The following PLPP4 variants were observed in gnomAD, a reference collection of about 807,000 sequenced individuals.
The protein encoded by PLPP4 is phospholipid phosphatase 4, also known as diacylglycerol pyrophosphate like 2.
PLPP4 carries 20 observed loss-of-function variants against 32.2 expected under a neutral mutation model. The observed-to-expected ratio is 0.62, with a 90% confidence interval of 0.44 to 0.90. The LOEUF (loss-of-function observed/expected upper bound fraction) is 0.90, where lower values mean the gene tolerates loss of function less well. Ranked by LOEUF, PLPP4 falls within the 40% of genes least tolerant of loss-of-function variation. The pLI, the probability that PLPP4 is intolerant of heterozygous loss-of-function variation, is 0.00. For synonymous variants in PLPP4, 127 were observed against 133.0 expected (o/e 0.95, Z 0.31); for missense variants, 257 against 353.1 (o/e 0.73, Z 2.18).
rs1249706895 is a variant in PLPP4 at position 120,459,856 on chromosome 10, T to C, written c.56+2495T>C. 8.5e-5 allele frequency among the ~76,000 whole-genome samples: 13 copies of C among 152,236 alleles called. 1 individual carries two copies. The highest frequency in any genetic ancestry group is 1.5e-4 in the Non-Finnish European group (10 of 68,044). The stretch of plus-strand genomic sequence containing the variant: ...GGGATCCTGTTACCCGTAGCCCATA[T>C]GCTCCTCAAAGATTCCAAGTGAGAG... On this transcript the variant is annotated intron_variant, in intron 1 of 6. Transcript: ENST00000398250.
chr10:120,471,291 G>A (rs1848507700), intron 1 of PLPP4, among the ~76,000 whole-genome samples: 1 of 151,980 alleles, frequency 6.6e-6, no homozygotes, highest in Non-Finnish European at 1.5e-5. Context: ...AACTTATTAT[G>A]TGTTTTCTTT....
Position 120,563,785 on chromosome 10 carries a change from C to T in PLPP4, c.446-11346C>T, listed in dbSNP as rs895847376. On this transcript the variant is annotated intron_variant, in intron 5 of 6. Transcript: ENST00000398250. ...ACTGCAGTCCGCAGTCCGGCCTGGG[C>T]GACAGAGCGAGACTCCGTCTCAAAA... Among the ~76,000 whole-genome samples, 3 of 79,454 alleles carry T rather than the reference C, an allele frequency of 3.8e-5. 1 individual carries two copies. Among genetic ancestry groups the T allele is most frequent in the Non-Finnish European group, 4.9e-5 (2 of 40,626 alleles). The allele number at this position is 79,454 out of a possible 152,430, so 52.1% of individuals were successfully genotyped here. A position where few individuals can be genotyped will look rare whatever the true frequency, so the allele number is the denominator to read the frequency against.
intron 5 of PLPP4, among the ~76,000 whole-genome samples, chr10:120,555,776 C>T (rs1207636972): frequency 6.6e-6 from 1 of 152,208 alleles, no homozygotes; most frequent in Non-Finnish European, 1.5e-5. Flanking sequence ...TTCATTCACC[C>T]AACAGATATT....
chr10:120,552,195 T>C (rs1332489923), intron 5 of PLPP4, among the ~76,000 whole-genome samples: 1 of 151,212 alleles, frequency 6.6e-6, no homozygotes, highest in African/African-American at 2.4e-5. Context: ...TGTGTGTGTG[T>C]GTGTGTGTGT....
chr10:120,536,475 G>C (rs1354299125), intron 5 of PLPP4, among the ~76,000 whole-genome samples: 1 of 151,868 alleles, frequency 6.6e-6, no homozygotes, highest in Non-Finnish European at 1.5e-5. Context: ...TGGGAAAATT[G>C]GATATCCACG....
chr10:120,481,586 G>A (rs551079786), intron 1 of PLPP4, among the ~76,000 whole-genome samples: 2 of 152,284 alleles, frequency 1.3e-5, no homozygotes, highest in East Asian at 3.9e-4. Context: ...GGCATCAGGT[G>A]CTTTATACAA....
intron 1 of PLPP4, among the ~76,000 whole-genome samples, chr10:120,478,620 C>T (rs1844042181): frequency 6.6e-6 from 1 of 152,178 alleles, no homozygotes; most frequent in African/African-American, 2.4e-5. Context: ...AAGCCTGCTC[C>T]CATGATAATG....
chr10:120,514,660 A>G (rs1227551570), intron 3 of PLPP4, among the ~76,000 whole-genome samples: 1 of 152,198 alleles, frequency 6.6e-6, no homozygotes, highest in Non-Finnish European at 1.5e-5. Context: ...TCTGGTCTTC[A>G]TGATAATCAA....
chr10:120,588,503 G>C (rs771972625), intron 6 of PLPP4, among the ~76,000 whole-genome samples: 23 of 152,316 alleles, frequency 1.5e-4, no homozygotes, highest in Admixed American at 4.6e-4. Context: ...TGACTCAGAA[G>C]GTTCATTTCA....
At chr10:120,565,839 C>A (rs536097275) in intron 5 of PLPP4, among the ~76,000 whole-genome samples, 1 of 152,202 alleles carries the variant, frequency 6.6e-6, no homozygotes, top group East Asian at 1.9e-4. Flanking sequence ...ACCACATCAT[C>A]CATGTCACTT....
intron 5 of PLPP4, among the ~76,000 whole-genome samples, chr10:120,549,223 A>G (rs913818847): frequency 6.6e-5 from 10 of 151,664 alleles, no homozygotes; most frequent in African/African-American, 2.4e-4. Flanking sequence ...ATTTCCAAAA[A>G]TCCTAAATAC....
At chr10:120,500,156 A>G (rs1755510089) in intron 1 of PLPP4, among the ~76,000 whole-genome samples, 1 of 152,212 alleles carries the variant, frequency 6.6e-6, no homozygotes, top group African/African-American at 2.4e-5. Flanking sequence ...TACTCAGGGT[A>G]GAGTGAGGGA....
At chr10:120,582,501 G>A (rs549903894) in intron 6 of PLPP4, among the ~76,000 whole-genome samples, 141 of 152,178 alleles carry the variant, frequency 9.3e-4, no homozygotes, top group Non-Finnish European at 1.6e-3. Context: ...GATTACTCCT[G>A]TAAAACCCTA....
chr10:120,457,204 G>A, upstream of PLPP4: 1 of 873,642 alleles, frequency 1.1e-6, no homozygotes, highest in Non-Finnish European at 1.5e-6. Flanking sequence ...GGCCTGGAGC[G>A]CGCCTCCCTC....
rs1470624780 is a variant in PLPP4 at position 120,564,740 on chromosome 10, C to T, written c.446-10391C>T. On this transcript the variant is annotated intron_variant, in intron 5 of 6. Coordinates refer to ENST00000398250, the MANE Select transcript of PLPP4 (RefSeq NM_001030059.3). Reference sequence around the variant, plus strand: ...ATCATCTTTATCTCTAATATTGCTTCTTACCATAAAGACAATCAAACATTA... The same window carrying T: ...ATCATCTTTATCTCTAATATTGCTTTTTACCATAAAGACAATCAAACATTA... Among the ~76,000 whole-genome samples, 9 of 151,946 alleles carry T rather than the reference C, an allele frequency of 5.9e-5. No individual in the cohort carries two copies. The East Asian group carries it at 1.4e-3, about 23-fold the overall frequency.
At chr10:120,570,675 A>G (rs1848893094) in intron 5 of PLPP4, among the ~76,000 whole-genome samples, 1 of 152,150 alleles carries the variant, frequency 6.6e-6, no homozygotes, top group Non-Finnish European at 1.5e-5. Flanking sequence ...CACCTAAGCT[A>G]GTGCAATGAC....
rs181723869 is a variant in PLPP4, at chr10:120,484,685, C to T, written c.57-19133C>T. ...CCTCTTAATACTGTTGCATTGGGGACCAACACATGAACTTTGGGGGACACA... is the reference window on the plus strand; with the variant it reads ...CCTCTTAATACTGTTGCATTGGGGATCAACACATGAACTTTGGGGGACACA... On this transcript the variant is annotated intron_variant, in intron 1 of 6. Transcript: ENST00000398250. 6.6e-5 allele frequency among the ~76,000 whole-genome samples: 10 copies of T among 152,148 alleles called. No homozygotes were observed. The East Asian group carries it at 1.7e-3, about 26-fold the overall frequency.
rs191020364 is a variant in PLPP4, at chr10:120,519,832, C to T, written c.320+936C>T. On this transcript the variant is annotated intron_variant, in intron 4 of 6. Transcript: ENST00000398250. ...CTAAACTTCACCCGTGGTAGGTGCTCAGCGAATATTAGTTGAGTATGAATG... is the reference window on the plus strand; with the variant it reads ...CTAAACTTCACCCGTGGTAGGTGCTTAGCGAATATTAGTTGAGTATGAATG... Among the ~76,000 whole-genome samples, 357 of 152,280 alleles carry T rather than the reference C, an allele frequency of 2.3e-3. 3 individuals are homozygous for T. The highest frequency in any genetic ancestry group is 8.2e-3 in the African/African-American group (340 of 41,544).
chr10:120,482,366 G>A (rs1235387717), intron 1 of PLPP4, among the ~76,000 whole-genome samples: 1 of 152,132 alleles, frequency 6.6e-6, no homozygotes, highest in Non-Finnish European at 1.5e-5. Context: ...AAACTTGTGG[G>A]GAACTGGAGC....
Sources: allele counts gnomAD v4.1 joint callset (sites outside exome capture counted in the v4.1 genomes callset), GRCh38; gene constraint gnomAD v4.1.1; transcripts MANE v1.5; gene names NCBI Gene and HGNC (gene_info 2026-07-23, HGNC 2026-07-21).